DEFB131B: variants seen among roughly 807,000 people sequenced by gnomAD.
DEFB131B encodes the protein defensin beta 131B, also known as beta-defensin 131B.
DEFB131B carries 2 observed loss-of-function variants against 2.1 expected under a neutral mutation model. That is an observed-to-expected ratio of 0.94 (90% confidence interval 0.38 to 2.95). The LOEUF (loss-of-function observed/expected upper bound fraction) is 2.95, where lower values mean the gene tolerates loss of function less well. DEFB131B is among the 30% of genes most tolerant of loss of function. DEFB131B has a pLI of 0.09. For missense variants in DEFB131B, 77 were observed against 78.5 expected, an observed-to-expected ratio of 0.98 and a Z score of 0.07; for synonymous variants, 26 against 25.8, an observed-to-expected ratio of 1.01 and a Z score of -0.03.
intron 1 of DEFB131B, among the ~76,000 whole-genome samples, chr11:71,882,827 A>G (rs113422994): frequency 0.028 from 4,266 of 152,260 alleles, 71 homozygotes; most frequent in East Asian, 0.08. Flanking sequence ...TTTCCAAATG[A>G]CATAATTTTT....
chr11:71,882,562 T>C (rs916786288), intron 1 of DEFB131B, among the ~76,000 whole-genome samples: 5 of 152,190 alleles, frequency 3.3e-5, no homozygotes, highest in African/African-American at 1.2e-4. Context: ...AATACATAAT[T>C]TTCTTAGGTA....
intron 1 of DEFB131B, among the ~76,000 whole-genome samples, chr11:71,881,532 T>G (rs1190051385): frequency 6.6e-6 from 1 of 152,192 alleles, no homozygotes; most frequent in Non-Finnish European, 1.5e-5. Context: ...TGGCATTTTT[T>G]TGTGCACATG....
intron 1 of DEFB131B, among the ~76,000 whole-genome samples, chr11:71,879,665 T>A (rs746718832): frequency 1.3e-5 from 2 of 152,184 alleles, no homozygotes; most frequent in Non-Finnish European, 2.9e-5. Flanking sequence ...TTCTATTCAG[T>A]GGTTATCAAG....
chr11:71,883,487 G>T (rs1443042510), intron 1 of DEFB131B, among the ~76,000 whole-genome samples: 1 of 152,162 alleles, frequency 6.6e-6, no homozygotes, highest in South Asian at 2.1e-4. Flanking sequence ...ATATATAATG[G>T]GGAAAAGATG....
chr11:71,879,529 T>G (rs1590731115), intron 1 of DEFB131B, among the ~76,000 whole-genome samples: 1 of 152,164 alleles, frequency 6.6e-6, no homozygotes, highest in African/African-American at 2.4e-5. Flanking sequence ...TATATAATAC[T>G]TCATGATTCA....
At chr11:71,880,913 C>T in intron 1 of DEFB131B, among the ~76,000 whole-genome samples, 1 of 152,026 alleles carries the variant, frequency 6.6e-6, no homozygotes, top group Non-Finnish European at 1.5e-5. Flanking sequence ...TTTGTTGAAA[C>T]TTGTTTTGTG....
intron 1 of DEFB131B, among the ~76,000 whole-genome samples, chr11:71,880,311 G>A (rs1322212841): frequency 6.6e-6 from 1 of 152,108 alleles, no homozygotes; most frequent in Non-Finnish European, 1.5e-5. Flanking sequence ...GCATATGGTT[G>A]TTTATAACAG....
At chr11:71,884,243 T>C (rs1952599823) in intron 1 of DEFB131B, 164 bp from the exon 2 acceptor site, 1 of 762,780 alleles carries the variant, frequency 1.3e-6, no homozygotes, top group Non-Finnish European at 2.0e-6. Flanking sequence ...TCATCGTTTG[T>C]CTTTATTCAG....
At chr11:71,883,920 A>C (rs1213009326) in intron 1 of DEFB131B, among the ~76,000 whole-genome samples, 1 of 152,140 alleles carries the variant, frequency 6.6e-6, no homozygotes, top group East Asian at 1.9e-4. Context: ...AAGAACAGAG[A>C]AGCAACCAAA....
At chr11:71,879,372 T>G (rs1952545917) in intron 1 of DEFB131B, among the ~76,000 whole-genome samples, 1 of 152,148 alleles carries the variant, frequency 6.6e-6, no homozygotes, top group Non-Finnish European at 1.5e-5. Flanking sequence ...TCAATATGAC[T>G]TTCCCAAATT....
intron 1 of DEFB131B, 48 bp from the exon 2 acceptor site, chr11:71,884,359 A>G (rs1390851549): frequency 6.7e-7 from 1 of 1,482,036 alleles, no homozygotes; most frequent in Non-Finnish European, 9.0e-7. Context: ...ATTTAAACAT[A>G]AAAAGTAAGT....
intron 1 of DEFB131B, among the ~76,000 whole-genome samples, chr11:71,881,352 C>T (rs749524790): frequency 3.9e-5 from 6 of 152,060 alleles, no homozygotes; most frequent in Non-Finnish European, 7.4e-5. Context: ...TCTTGCATTG[C>T]TATAGGGTTA....
intron 1 of DEFB131B, among the ~76,000 whole-genome samples, chr11:71,882,109 A>G (rs1952568054): frequency 6.6e-6 from 1 of 152,070 alleles, no homozygotes; most frequent in Non-Finnish European, 1.5e-5. Context: ...AGAAGCCAGG[A>G]GGGGAAAAAA....
chr11:71,881,317 T>C (rs1343205239), intron 1 of DEFB131B, among the ~76,000 whole-genome samples: 8 of 152,244 alleles, frequency 5.3e-5, no homozygotes, highest in Admixed American at 4.6e-4. Flanking sequence ...TTTTGTCCAA[T>C]ATAAATATAG....
Position 71,878,522 on chromosome 11 carries a change from A to G in DEFB131B, c.58+12A>G, listed in dbSNP as rs770736140. The G allele has an allele frequency of 6.2e-7, 1 of 1,608,012 alleles. No individual in the cohort carries two copies. The highest frequency in any genetic ancestry group is 8.5e-7 in the Non-Finnish European group (1 of 1,178,904). ...CACAGTTCCTCCAAGTAAGGCAGAA[A>G]CTTTTTTATTCCAAAGTTCTAAAAA... On this transcript the variant is annotated intron_variant, in intron 1 of 1. Transcript: ENST00000530210.
intron 1 of DEFB131B, among the ~76,000 whole-genome samples, chr11:71,880,306 T>C (rs1763846365): frequency 6.6e-6 from 1 of 152,182 alleles, no homozygotes; most frequent in Non-Finnish European, 1.5e-5. Flanking sequence ...ATTTAGCATA[T>C]GGTTGTTTAT....
intron 1 of DEFB131B, among the ~76,000 whole-genome samples, chr11:71,881,083 T>A (rs531175122): frequency 6.6e-6 from 1 of 152,356 alleles, no homozygotes; most frequent in Admixed American, 6.5e-5. Flanking sequence ...TCTACCTAGA[T>A]GATCTGTTCA....
At chr11:71,880,208 A>G (rs1952551448) in intron 1 of DEFB131B, among the ~76,000 whole-genome samples, 1 of 152,196 alleles carries the variant, frequency 6.6e-6, no homozygotes, top group South Asian at 2.1e-4. Context: ...ATATGTATTT[A>G]TTATAAAGTA....
chr11:71,882,730 T>C (rs1009216195), intron 1 of DEFB131B, among the ~76,000 whole-genome samples: 6 of 152,198 alleles, frequency 3.9e-5, no homozygotes, highest in African/African-American at 1.4e-4. Context: ...AACATGATTC[T>C]AAAAGTTCTA....
Sources: allele counts gnomAD v4.1 joint callset (sites outside exome capture counted in the v4.1 genomes callset), GRCh38; gene constraint gnomAD v4.1.1; transcripts MANE v1.5; gene names NCBI Gene and HGNC (gene_info 2026-07-23, HGNC 2026-07-21).